Variants in MAML2 observed in about 807,000 individuals in gnomAD.
MAML2 encodes the protein mastermind-like protein 2.
MAML2 carries 22 observed loss-of-function variants against 96.1 expected under a neutral mutation model. That is an observed-to-expected ratio of 0.23 (90% CI 0.16 to 0.33). The LOEUF (loss-of-function observed/expected upper bound fraction) is 0.33. Ranked by LOEUF, MAML2 falls within the 10% of genes least tolerant of loss-of-function variation. The pLI is 1.00. For synonymous variants in MAML2, 561 were observed against 521.3 expected (o/e 1.08, Z -1.04); for missense variants, 1,367 against 1,392.4 (o/e 0.98, Z 0.29).
chr11:96,191,483 A>T (rs1036249641), intron 1 of MAML2, among the ~76,000 whole-genome samples: 4 of 138,992 alleles, frequency 2.9e-5, no homozygotes, highest in Non-Finnish European at 4.7e-5. Context: ...AACAATAATA[A>T]AAAAAAAAAG....
intron 1 of MAML2, among the ~76,000 whole-genome samples, chr11:96,112,495 G>T (rs1007044819): frequency 1.3e-5 from 2 of 152,228 alleles, no homozygotes; most frequent in East Asian, 1.9e-4. Flanking sequence ...TGCCTGAGCC[G>T]CTGGGTATGC....
At chr11:96,007,241 G>A (rs545370187) in intron 2 of MAML2, among the ~76,000 whole-genome samples, 6 of 149,390 alleles carry the variant, frequency 4.0e-5, no homozygotes, top group Admixed American at 6.7e-5. Context: ...TTGATCTCCC[G>A]ACCTCGTGAT....
At chr11:96,338,892 A>G (rs963403983) in intron 1 of MAML2, among the ~76,000 whole-genome samples, 1 of 152,198 alleles carries the variant, frequency 6.6e-6, no homozygotes, top group Non-Finnish European at 1.5e-5. Context: ...GTAAAGTGAG[A>G]CCTGCCAATG....
chr11:96,164,728 G>C (rs1861164757), intron 1 of MAML2, among the ~76,000 whole-genome samples: 1 of 152,132 alleles, frequency 6.6e-6, no homozygotes, highest in South Asian at 2.1e-4. Context: ...AGATCTGATG[G>C]GCACCGCGGA....
At chr11:96,067,966 A>G (rs1859271007) in intron 2 of MAML2, among the ~76,000 whole-genome samples, 1 of 152,232 alleles carries the variant, frequency 6.6e-6, no homozygotes, top group South Asian at 2.1e-4. Context: ...GTTTATAAAT[A>G]GGGCCAAATA....
intron 1 of MAML2, among the ~76,000 whole-genome samples, chr11:96,106,948 C>T (rs1205707224): frequency 2.9e-5 from 4 of 139,760 alleles, no homozygotes; most frequent in South Asian, 4.8e-4. Context: ...TGTCAAGACT[C>T]TAAACATGCC....
At chr11:96,247,196 C>G (rs538249382) in intron 1 of MAML2, among the ~76,000 whole-genome samples, 17 of 152,018 alleles carry the variant, frequency 1.1e-4, no homozygotes, top group African/African-American at 3.9e-4. Context: ...AAGTATATAT[C>G]AGATTCAGAC....
chr11:95,989,225 A>T (rs1293304500), intron 3 of MAML2, among the ~76,000 whole-genome samples: 2 of 152,230 alleles, frequency 1.3e-5, no homozygotes, highest in Non-Finnish European at 2.9e-5. Context: ...ACCACAAAGC[A>T]TATGCTAATG....
rs1167065054 is a variant in MAML2 at position 96,092,316 on chromosome 11, G to A, written c.1715C>T (p.Pro572Leu). 6.3e-7 allele frequency: 1 copy of A among 1,590,130 alleles called. No individual in the cohort carries two copies. Among genetic ancestry groups the A allele is most frequent in the East Asian group, 2.3e-5 (1 of 43,946 alleles). The change falls in exon 2 of 5, where the codon CCT becomes CTT. Residue 572 changes from proline (P) to leucine (L), a missense_variant. Transcript: ENST00000524717. The surrounding 1 kb of genome is among the most constrained non-coding windows in gnomAD (Gnocchi z 4.1). Reference sequence around the variant, plus strand: ...CTTGTTCTGGGAAGGCAAAACAGAAGGCATCTGCTGGTTCGCTTGATCTGA... The same window carrying A: ...CTTGTTCTGGGAAGGCAAAACAGAAAGCATCTGCTGGTTCGCTTGATCTGA... Reference protein sequence around the residue: ...FNSDQANQQMPSVLPSQNKPS... With the variant: ...FNSDQANQQMLSVLPSQNKPS...
Position 95,978,273 on chromosome 11 carries a change from G to A in MAML2, c.*675C>T, listed in dbSNP as rs1253055979. 4.9e-6 allele frequency: 1 copy of A among 205,022 alleles called. No homozygotes were observed. Among genetic ancestry groups the A allele is most frequent in the Non-Finnish European group, 1.0e-5 (1 of 100,140 alleles). 12.7% of individuals were successfully genotyped at this position (205,022 alleles called of 1,614,324 possible). A position where few individuals can be genotyped will look rare whatever the true frequency, so the allele number is the denominator to read the frequency against. On this transcript the variant is annotated 3_prime_UTR_variant, in exon 5 of 5. Transcript: ENST00000524717. ...TCGTTGTGGAAGCCAAAATCAAATT[G>A]CACAGCTCTATATTTTTGTTTAATC...
intron 3 of MAML2, among the ~76,000 whole-genome samples, chr11:95,987,782 T>C (rs1347747912): frequency 6.6e-6 from 1 of 152,228 alleles, no homozygotes; most frequent in Non-Finnish European, 1.5e-5. Flanking sequence ...AAGTAATTCA[T>C]ATAAAACACA....
chr11:96,338,050 T>C (rs1189884653), intron 1 of MAML2, among the ~76,000 whole-genome samples: 1 of 152,180 alleles, frequency 6.6e-6, no homozygotes, highest in African/African-American at 2.4e-5. Flanking sequence ...AAGCCAGAGA[T>C]GACATGGAAC....
chr11:96,086,783 T>A (rs569333121), intron 2 of MAML2, among the ~76,000 whole-genome samples: 3 of 152,304 alleles, frequency 2.0e-5, no homozygotes, highest in Non-Finnish European at 4.4e-5. Flanking sequence ...AGTAAGCTCA[T>A]GGCTCCTGGT....
At chr11:96,048,743 T>C (rs1858946343) in intron 2 of MAML2, among the ~76,000 whole-genome samples, 1 of 152,178 alleles carries the variant, frequency 6.6e-6, no homozygotes, top group Admixed American at 6.5e-5. Flanking sequence ...AAAATACCCA[T>C]TTATGGTTTC....
At chr11:96,136,563 C>T (rs1591033475) in intron 1 of MAML2, among the ~76,000 whole-genome samples, 1 of 152,090 alleles carries the variant, frequency 6.6e-6, no homozygotes, top group African/African-American at 2.4e-5. Context: ...CCTGCTTTCA[C>T]ATCCAAAGTT....
chr11:96,219,990 G>T (rs1565252928), intron 1 of MAML2, among the ~76,000 whole-genome samples: 1 of 152,108 alleles, frequency 6.6e-6, no homozygotes, highest in Non-Finnish European at 1.5e-5. Context: ...TAAATGAGTT[G>T]ATGCATGTAT....
At chr11:96,034,168 A>G (rs966666789) in intron 2 of MAML2, among the ~76,000 whole-genome samples, 5 of 152,190 alleles carry the variant, frequency 3.3e-5, no homozygotes, top group African/African-American at 1.2e-4. Context: ...TGTAATAATT[A>G]TGGTTAAATA....
chr11:96,239,437 A>G (rs569715210), intron 1 of MAML2, among the ~76,000 whole-genome samples: 1 of 152,342 alleles, frequency 6.6e-6, no homozygotes, highest in East Asian at 1.9e-4. Context: ...CGTCAATTTC[A>G]GAGTAAAGGC....
intron 1 of MAML2, among the ~76,000 whole-genome samples, chr11:96,101,847 C>T (rs7109999): frequency 0.93 from 141,334 of 152,282 alleles, 65,630 homozygotes; most frequent in East Asian, 1. Flanking sequence ...ATCTGTAACA[C>T]TGAATTTGTT....
Sources: gnomAD v4.1 joint callset for allele counts (sites outside exome capture counted in the v4.1 genomes callset) on GRCh38, gnomAD v4.1.1 for gene constraint, Gnocchi (gnomAD v3.1) non-coding constraint, MANE v1.5 for transcripts, NCBI Gene and HGNC (gene_info 2026-07-23, HGNC 2026-07-21) for gene names.